The following CCSER1 variants were observed in gnomAD, a reference collection of about 807,000 sequenced individuals.
The protein encoded by CCSER1 is serine-rich coiled-coil domain-containing protein 1.
A neutral mutation model predicts 82.0 loss-of-function variants in CCSER1; 41 were observed. The ratio of observed to expected loss-of-function variants is 0.50; its 90% CI spans 0.39 to 0.65. The LOEUF (loss-of-function observed/expected upper bound fraction) is 0.65, where lower values mean the gene tolerates loss of function less well. Ranked by LOEUF, CCSER1 falls within the 30% of genes least tolerant of loss-of-function variation. The probability of loss-of-function intolerance (pLI) is 0.00; values close to 1 mark genes in which losing one functional copy is unlikely to be tolerated. For missense variants in CCSER1, 1,119 were observed against 1,064.2 expected, an observed-to-expected ratio of 1.05 and a Z score of -0.72; for synonymous variants, 414 against 383.9, an observed-to-expected ratio of 1.08 and a Z score of -0.92.
At chr4:90,744,942 C>A (rs1747165328) in intron 7 of CCSER1, among the ~76,000 whole-genome samples, 1 of 141,366 alleles carries the variant, frequency 7.1e-6, no homozygotes, top group Non-Finnish European at 1.5e-5. Context: ...ACTAAAAATT[C>A]ATACATTTTA....
intron 3 of CCSER1, among the ~76,000 whole-genome samples, chr4:90,384,416 C>T (rs895963928): frequency 6.6e-6 from 1 of 151,364 alleles, no homozygotes; most frequent in South Asian, 2.1e-4. Context: ...AATGAGAACA[C>T]TTGGACACAG....
chr4:90,609,137 T>C (rs531838827), intron 5 of CCSER1, among the ~76,000 whole-genome samples: 7 of 152,134 alleles, frequency 4.6e-5, no homozygotes, highest in Non-Finnish European at 1.0e-4. Flanking sequence ...TGATTAATTT[T>C]ATTCATATTT....
intron 6 of CCSER1, among the ~76,000 whole-genome samples, chr4:90,635,301 C>A (rs1725221698): frequency 6.6e-6 from 1 of 151,486 alleles, no homozygotes; most frequent in South Asian, 2.1e-4. Context: ...TCAAGACACA[C>A]TATATACTGG....
intron 7 of CCSER1, among the ~76,000 whole-genome samples, chr4:90,796,196 CA>C (rs1755990732): frequency 6.6e-6 from 1 of 151,570 alleles, no homozygotes; most frequent in South Asian, 2.1e-4. Flanking sequence ...TCAGGGATAC[CA>C]TTTCTTCCCG....
intron 3 of CCSER1, among the ~76,000 whole-genome samples, chr4:90,352,040 T>C (rs1002727333): frequency 1.3e-5 from 2 of 152,138 alleles, no homozygotes. Flanking sequence ...AATACGGAGA[T>C]TAGGCCGGGC....
chr4:90,587,617 G>A (rs564096527), intron 5 of CCSER1, among the ~76,000 whole-genome samples: 19 of 152,208 alleles, frequency 1.2e-4, no homozygotes, highest in Admixed American at 5.2e-4. Flanking sequence ...AATGTAACTC[G>A]TTTAGGACAT....
At chr4:91,582,714 C>G (rs1763791821) in intron 10 of CCSER1, among the ~76,000 whole-genome samples, 2 of 151,356 alleles carry the variant, frequency 1.3e-5, no homozygotes, top group Admixed American at 1.3e-4. Context: ...AACCTAATAT[C>G]TATCTTTTAT....
chr4:90,247,898 A>G (rs752244262), intron 1 of CCSER1, among the ~76,000 whole-genome samples: 12 of 152,052 alleles, frequency 7.9e-5, no homozygotes, highest in Non-Finnish European at 1.6e-4. Context: ...TTTAGAATGA[A>G]GCAATTTCCC....
intron 8 of CCSER1, among the ~76,000 whole-genome samples, chr4:90,846,298 A>C (rs1580753480): frequency 6.6e-6 from 1 of 152,358 alleles, no homozygotes; most frequent in East Asian, 1.9e-4. Flanking sequence ...GCATTAATGT[A>C]CAACCATGGA....
chr4:91,247,591 G>A (rs1444204724), intron 10 of CCSER1, among the ~76,000 whole-genome samples: 2 of 152,086 alleles, frequency 1.3e-5, no homozygotes, highest in Non-Finnish European at 2.9e-5. Context: ...AACCAGGGCC[G>A]GGCATGGTGG....
chr4:90,702,582 G>T (rs1019677916), intron 6 of CCSER1, among the ~76,000 whole-genome samples: 33 of 152,124 alleles, frequency 2.2e-4, no homozygotes, highest in Non-Finnish European at 7.3e-5. Flanking sequence ...CTAGAATTCG[G>T]CTGTGAATCT....
At chr4:90,939,393 C>A (rs1455409133) in intron 9 of CCSER1, among the ~76,000 whole-genome samples, 2 of 152,116 alleles carry the variant, frequency 1.3e-5, no homozygotes, top group Non-Finnish European at 2.9e-5. Flanking sequence ...TATCTGTGGC[C>A]TGGACTTGAA....
At chr4:90,406,297 A>G (rs1444015321) in intron 4 of CCSER1, among the ~76,000 whole-genome samples, 1 of 152,190 alleles carries the variant, frequency 6.6e-6, no homozygotes, top group Non-Finnish European at 1.5e-5. Flanking sequence ...AGAGTAGTCC[A>G]ATAGGAAAAT....
intron 10 of CCSER1, among the ~76,000 whole-genome samples, chr4:91,178,058 T>C (rs1275611952): frequency 6.6e-6 from 1 of 152,202 alleles, no homozygotes; most frequent in Non-Finnish European, 1.5e-5. Flanking sequence ...CTGCCTTCCT[T>C]TTGTTATGTA....
At chr4:90,295,038 A>T (rs1731611459) in intron 1 of CCSER1, among the ~76,000 whole-genome samples, 1 of 152,066 alleles carries the variant, frequency 6.6e-6, no homozygotes, top group Admixed American at 6.6e-5. Context: ...CTTTGACCTT[A>T]TATGTTTAGC....
At position 90,811,940 on chromosome 4, in the gene CCSER1, T is replaced by A. The variant is rs58223196; in HGVS notation, c.2011-3822T>A. Among the ~76,000 whole-genome samples the A allele has an allele frequency of 2.1e-5, 3 of 143,994 alleles. No homozygotes were observed. The East Asian group carries it at 6.5e-4, about 31-fold the overall frequency. The allele number at this position is 143,994 out of a possible 152,430, so 94.5% of individuals were successfully genotyped here. A position where few individuals can be genotyped will look rare whatever the true frequency, so the allele number is the denominator to read the frequency against. On this transcript the variant is annotated intron_variant, in intron 7 of 10. Transcript: ENST00000509176. ...ACACACACACACACACACACATATA[T>A]ACACTTAATAAACTCACATATATAT... is the stretch of plus-strand genomic sequence containing the variant.
At chr4:90,351,236 T>C (rs530186073) in intron 3 of CCSER1, among the ~76,000 whole-genome samples, 1 of 152,138 alleles carries the variant, frequency 6.6e-6, no homozygotes, top group Admixed American at 6.5e-5. Context: ...CAGAGAGAAA[T>C]TCAATAGGAT....
At chr4:91,389,458 A>G (rs1211156375) in intron 10 of CCSER1, among the ~76,000 whole-genome samples, 3 of 151,952 alleles carry the variant, frequency 2.0e-5, no homozygotes, top group Non-Finnish European at 4.4e-5. Context: ...GCCAATATCA[A>G]TCATTGTCTC....
At chr4:91,093,731 G>A (rs1224371262) in intron 10 of CCSER1, among the ~76,000 whole-genome samples, 1 of 152,188 alleles carries the variant, frequency 6.6e-6, no homozygotes, top group Non-Finnish European at 1.5e-5. Context: ...AAAGGGCTTT[G>A]TCAAATCTGG....
Sources: allele counts gnomAD v4.1 joint callset (sites outside exome capture counted in the v4.1 genomes callset), GRCh38; gene constraint gnomAD v4.1.1; transcripts MANE v1.5; gene names NCBI Gene and HGNC (gene_info 2026-07-23, HGNC 2026-07-21).